Variants in EFS observed in about 807,000 individuals in gnomAD.
EFS encodes embryonal Fyn-associated substrate.
EFS carries 34 observed loss-of-function variants against 42.2 expected under a neutral mutation model. The observed-to-expected ratio is 0.81, with a 90% CI of 0.61 to 1.07. EFS has a LOEUF of 1.07. Ranked by LOEUF, EFS falls within the 50% of genes least tolerant of loss-of-function variation. EFS has a pLI of 0.00. For synonymous variants in EFS, 299 were observed against 320.7 expected, an observed-to-expected ratio of 0.93 and a Z score of 0.72; for missense variants, 717 against 729.4, an observed-to-expected ratio of 0.98 and a Z score of 0.20.
chr14:23,360,022 G>T lies in EFS; in HGVS notation c.456C>A (p.Pro152=), dbSNP rs773653076. 8 of 1,609,910 alleles carry T rather than the reference G, an allele frequency of 5.0e-6. No individual in the cohort carries two copies. Among genetic ancestry groups the T allele is most frequent in the Non-Finnish European group, 6.8e-6 (8 of 1,178,284 alleles). ...RDALEVYDVP[P]TALRVPSSGP... is the part of the protein sequence containing the mutation. ...CACTGGAGGGCACCCGGAGGGCGGT[G>T]GGGGGCACATCGTAGACCTGCGGAA... The change falls in exon 4 of 6, where the codon CCC becomes CCA. Residue 152 remains proline, a synonymous_variant. Coordinates refer to ENST00000216733, the MANE Select transcript of EFS (RefSeq NM_005864.4).
In EFS at chr14:23,360,003, AGGGCACCCGGAGGGCGGTGGG is replaced by A. The variant is rs760687189; in HGVS notation, c.454_474del (p.Pro152_Pro158del). 3 of 1,603,306 alleles carry A rather than the reference AGGGCACCCGGAGGGCGGTGGG, an allele frequency of 1.9e-6. No homozygotes were observed. Among genetic ancestry groups the A allele is most frequent in the Non-Finnish European group, 2.6e-6 (3 of 1,175,548 alleles). ...GCAGGGCAGTCATAGGGGCCACTGG[AGGGCACCCGGAGGGCGGTGGG>A]GGGCACATCGTAGACCTGCGGAAAG... On this transcript the variant is annotated inframe_deletion, in exon 4 of 6. Transcript: ENST00000216733.
At chr14:23,359,232 C>T (rs2138534604) in intron 4 of EFS, 85 bp downstream of exon 4, 1 of 1,590,614 alleles carries the variant, frequency 6.3e-7, no homozygotes, top group Non-Finnish European at 8.6e-7. Flanking sequence ...GGCAGGGAGG[C>T]TCTGCCTCTG....
rs1283000103 is a variant in EFS, at chr14:23,356,593, G to A, written c.*633C>T. ...ACCCTAAAGGCATCCTTTTCGTAGT[G>A]TGTGTCCCATAGGTATGGCTGCTGA... On this transcript the variant is annotated 3_prime_UTR_variant, in exon 6 of 6. Coordinates refer to ENST00000216733, the MANE Select transcript of EFS (RefSeq NM_005864.4). 6.6e-6 allele frequency: 1 copy of A among 152,206 alleles called. No individual in the cohort carries two copies. The highest frequency in any genetic ancestry group is 1.5e-5 in the Non-Finnish European group (1 of 68,044). The allele number at this position is 152,206 out of a possible 1,614,324, so 9.4% of individuals were successfully genotyped here.
chr14:23,357,364 C>T lies in EFS; in HGVS notation c.1548G>A (p.Arg516=). 6.2e-7 allele frequency: 1 copy of T among 1,611,116 alleles called. No homozygotes were observed. The highest frequency in any genetic ancestry group is 8.5e-7 in the Non-Finnish European group (1 of 1,177,860). The change falls in exon 6 of 6, where the codon CGG becomes CGA. Residue 516 remains arginine, a synonymous_variant. Transcript: ENST00000216733. The stretch of plus-strand genomic sequence containing the variant: ...CTCCCTTGACAGCCAGCACAGTGGC[C>T]CGCAATGCCTGGCCCAGTGCTGTAC... ...AAGTALGQAL[R]ATVLAVKGAA...
chr14:23,363,923 G>C (rs1177060485), intron 1 of EFS, among the ~76,000 whole-genome samples: 1 of 146,540 alleles, frequency 6.8e-6, no homozygotes, highest in Admixed American at 6.7e-5. Flanking sequence ...GACAGGGTGA[G>C]ACCTTGTCTC....
At chr14:23,359,068 C>G in intron 4 of EFS, 103 bp from the exon 5 acceptor site, 1 of 1,212,652 alleles carries the variant, frequency 8.2e-7, no homozygotes, top group Non-Finnish European at 1.1e-6. Context: ...TTCCGAAGGA[C>G]ACTCCTGTTA....
intron 1 of EFS, among the ~76,000 whole-genome samples, chr14:23,364,484 C>T (rs1300813608): frequency 6.6e-6 from 1 of 152,172 alleles, no homozygotes; most frequent in Non-Finnish European, 1.5e-5. Flanking sequence ...TGGCTGACAT[C>T]ACCTCCCCTC....
Position 23,359,496 on chromosome 14 carries a change from G to A in EFS, c.982C>T (p.Arg328Trp), listed in dbSNP as rs772118374. ...PSPVPSPAPG[R>W]KGSIQDRPLP... ...GGCCGGTCCTGGATGCTGCCCTTCC[G>A]GCCTGGGGCAGGAGAGGGCACTGGG... The change falls in exon 4 of 6, where the codon CGG becomes TGG. Residue 328 changes from arginine to tryptophan, a missense_variant. Physicochemically the swap from Arg to Trp is moderately radical, Grantham distance 101. Transcript: ENST00000216733. 3.0e-5 allele frequency: 48 copies of A among 1,574,772 alleles called. No individual in the cohort carries two copies. Among genetic ancestry groups the A allele is most frequent in the Non-Finnish European group, 3.7e-5 (43 of 1,164,056 alleles).
intron 1 of EFS, among the ~76,000 whole-genome samples, chr14:23,362,562 G>A (rs1054259653): frequency 9.9e-5 from 15 of 152,178 alleles, no homozygotes; most frequent in African/African-American, 3.4e-4. Context: ...GGTTTCTAAA[G>A]GATATTGTCC....
At chr14:23,362,031 A>T (rs562671890) in intron 1 of EFS, among the ~76,000 whole-genome samples, 16 of 152,136 alleles carry the variant, frequency 1.1e-4, no homozygotes, top group Non-Finnish European at 1.5e-4. Context: ...ACTTAAAAGA[A>T]AGAGTAGTAA....
rs1890076837 is a variant in EFS at position 23,359,912 on chromosome 14, T to C, written c.566A>G (p.Asp189Gly). The C allele has an allele frequency of 3.9e-6, 6 of 1,545,534 alleles. No individual in the cohort carries two copies. The highest frequency in any genetic ancestry group is 5.2e-6 in the Non-Finnish European group (6 of 1,147,542). ...AGGTGGCTTTGGGGTCAGAGGCACA[T>C]CATAGGGAGCATCATCCTCTCCAGG... is the stretch of plus-strand genomic sequence containing the variant. ...QPPGEDDAPYDVPLTPKPPAE... is the reference protein window; with the variant it reads ...QPPGEDDAPYGVPLTPKPPAE... The change falls in exon 4 of 6, where the codon GAT (aspartate) becomes GGT (glycine). Residue 189 changes from aspartate to glycine, a missense_variant. Coordinates refer to ENST00000216733, the MANE Select transcript of EFS (RefSeq NM_005864.4).
chr14:23,359,760 G>A lies in EFS; in HGVS notation c.718C>T (p.Leu240=). The change falls in exon 4 of 6, where the codon CTG becomes TTG. Residue 240 remains leucine (L), a synonymous_variant. Transcript: ENST00000216733. ...LNLYEAPEEL[L]ADGEGGGTDE... is the part of the protein sequence containing the mutation. ...GTGCCCCCGCCCTCCCCGTCTGCCA[G>A]CAGTTCCTCGGGTGCTTCATACAAA... 6.6e-7 allele frequency: 1 copy of A among 1,516,488 alleles called. No homozygotes were observed. Among genetic ancestry groups the A allele is most frequent in the Non-Finnish European group, 8.8e-7 (1 of 1,133,632 alleles). The allele number at this position is 1,516,488 out of a possible 1,614,324, so 93.9% of individuals were successfully genotyped here. A position where few individuals can be genotyped will look rare whatever the true frequency, so the allele number is the denominator to read the frequency against.
At chr14:23,364,498 CCTCT>C (rs1160247033) in intron 1 of EFS, among the ~76,000 whole-genome samples, 1 of 152,202 alleles carries the variant, frequency 6.6e-6, no homozygotes, top group Non-Finnish European at 1.5e-5. Context: ...TCCCCTCCTC[CCTCT>C]GTCTTCTCTT....
At position 23,364,998 on chromosome 14, in the gene EFS, G is replaced by C; in HGVS notation, c.18+10C>G. On this transcript the variant is annotated intron_variant, in intron 1 of 5. Transcript: ENST00000216733. ...TCTCCCCGGCAGCCTCCACTCCCTG[G>C]TGGACTCACCGACGTGGCAATGGCC... 1 of 1,331,664 alleles carries C rather than the reference G, an allele frequency of 7.5e-7. No individual in the cohort carries two copies. Among genetic ancestry groups the C allele is most frequent in the South Asian group, 2.5e-5 (1 of 39,792 alleles). The allele number at this position is 1,331,664 out of a possible 1,614,324, so 82.5% of individuals were successfully genotyped here.
chr14:23,359,696 T>C lies in EFS; in HGVS notation c.782A>G (p.Glu261Gly). ...GIYDVPLLGPEAPPSPEPPGA... is the reference protein window; with the variant it reads ...GIYDVPLLGPGAPPSPEPPGA... ...AGGGGGCTCTGGAGAAGGGGGAGCC[T>C]CTGGCCCCAGCAGAGGCACATCGTA... Residue 261 changes from glutamate (E) to glycine (G), a missense_variant, in exon 4 of 6, where the codon GAG becomes GGG. Physicochemically the swap from Glu to Gly is moderately conservative, Grantham distance 98 (BLOSUM62 -2). Coordinates refer to ENST00000216733, the MANE Select transcript of EFS (RefSeq NM_005864.4). 6.6e-7 allele frequency: 1 copy of C among 1,513,166 alleles called. No individual in the cohort carries two copies. Among genetic ancestry groups the C allele is most frequent in the Non-Finnish European group, 8.8e-7 (1 of 1,132,344 alleles). 93.7% of individuals were successfully genotyped at this position (1,513,166 alleles called of 1,614,324 possible).
chr14:23,362,284 C>G (rs1890178695), intron 1 of EFS, among the ~76,000 whole-genome samples: 1 of 152,172 alleles, frequency 6.6e-6, no homozygotes, highest in Non-Finnish European at 1.5e-5. Flanking sequence ...TGGAGAGCAG[C>G]TAGTTAGGCA....
In EFS at chr14:23,357,658, C is replaced by T. The variant is rs574958656; in HGVS notation, c.1254G>A (p.Glu418=). 154 of 1,523,882 alleles carry T rather than the reference C, an allele frequency of 1.0e-4. 2 individuals are homozygous for T. In the East Asian group the frequency reaches 3.4e-3, roughly 34 times the overall value. 94.4% of individuals were successfully genotyped at this position (1,523,882 alleles called of 1,614,324 possible). A position where few individuals can be genotyped will look rare whatever the true frequency, so the allele number is the denominator to read the frequency against. ...LPERGMPAPQ[E]ALSPGEPLVV... is the part of the protein sequence containing the mutation. ...CCAGTGGCTCCCCTGGGGACAGGGCCTCCTGAAGGGCAAGAGGAGTGGTCA... is the reference window on the plus strand; with the variant it reads ...CCAGTGGCTCCCCTGGGGACAGGGCTTCCTGAAGGGCAAGAGGAGTGGTCA... Residue 418 remains glutamate (E), a splice_region_variant and synonymous_variant, in exon 6 of 6, where the codon GAG becomes GAA. Transcript: ENST00000216733.
chr14:23,363,882 C>T (rs141969959), intron 1 of EFS, among the ~76,000 whole-genome samples: 2,813 of 151,134 alleles, frequency 0.019, 94 homozygotes, highest in African/African-American at 0.065. Flanking sequence ...TGCATTGAGC[C>T]GTGATTGTGC....
chr14:23,362,859 C>T (rs1183826577), intron 1 of EFS, among the ~76,000 whole-genome samples: 1 of 151,884 alleles, frequency 6.6e-6, no homozygotes, highest in Non-Finnish European at 1.5e-5. Flanking sequence ...TCCTAAATAC[C>T]TGGGATTACC....
Sources: allele counts gnomAD v4.1 joint callset (sites outside exome capture counted in the v4.1 genomes callset), GRCh38; gene constraint gnomAD v4.1.1; transcripts MANE v1.5; gene names NCBI Gene and HGNC (gene_info 2026-07-23, HGNC 2026-07-21).